The following UBL7 variants were observed in gnomAD, a reference collection of about 807,000 sequenced individuals.
The protein encoded by UBL7 is ubiquitin-like protein 7.
A neutral mutation model predicts 41.7 loss-of-function variants in UBL7; 21 were observed. The observed-to-expected ratio is 0.50, with a 90% CI of 0.36 to 0.73. UBL7 has a LOEUF of 0.73. Among genes scored for constraint, UBL7 ranks in the 30% least tolerant of loss-of-function variants. UBL7 has a pLI of 0.00. For missense variants in UBL7, 403 were observed against 478.4 expected, an observed-to-expected ratio of 0.84 and a Z score of 1.47; for synonymous variants, 157 against 186.9, an observed-to-expected ratio of 0.84 and a Z score of 1.31.
At chr15:74,451,628 C>T (rs1439611583) in intron 4 of UBL7, 108 bp from the exon 5 acceptor site, 1 of 756,636 alleles carries the variant, frequency 1.3e-6, no homozygotes, top group East Asian at 2.6e-5. Context: ...GCATGTACAT[C>T]ACCACAATGG....
At chr15:74,450,722 A>G (rs2061236241) in intron 6 of UBL7, 80 bp downstream of exon 6, 1 of 1,489,410 alleles carries the variant, frequency 6.7e-7, no homozygotes, top group Non-Finnish European at 9.3e-7. Flanking sequence ...CTCCCAGAGC[A>G]GACTGCAGGG....
chr15:74,455,010 T>G (rs1007738776), intron 3 of UBL7, among the ~76,000 whole-genome samples: 3 of 152,200 alleles, frequency 2.0e-5, no homozygotes, highest in Non-Finnish European at 4.4e-5. Flanking sequence ...TAATCCATAG[T>G]GGTCTCAGAG....
Position 74,446,300 on chromosome 15 carries a change from C to T in UBL7, c.1006-73G>A, listed in dbSNP as rs1029760277. 2.3e-5 allele frequency: 37 copies of T among 1,574,878 alleles called. No homozygotes were observed. The African/African-American group carries it at 2.7e-4, about 11-fold the overall frequency. On this transcript the variant is annotated intron_variant, in intron 10 of 10. Coordinates refer to ENST00000395081, the MANE Select transcript of UBL7 (RefSeq NM_032907.5). This position sits in a 1 kb window ranked among gnomAD's most constrained non-coding sequence, Gnocchi z 4.1. ...AAGACTCACTTAGGTCTGTGCTTTC[C>T]GGGGAAGGAAAGGAAGATGGGGGAG...
chr15:74,450,231 G>C (rs1485061223), intron 6 of UBL7, among the ~76,000 whole-genome samples, 162 bp from the exon 7 acceptor site: 2 of 152,172 alleles, frequency 1.3e-5, no homozygotes, highest in Non-Finnish European at 2.9e-5. Flanking sequence ...TCCTCCTGCT[G>C]ATCTGCCCCC....
At chr15:74,459,475 ATT>A (rs372314262) in intron 1 of UBL7, among the ~76,000 whole-genome samples, 5 of 141,034 alleles carry the variant, frequency 3.5e-5, no homozygotes, top group East Asian at 2.1e-4. Flanking sequence ...CGCCAGGCTA[ATT>A]TTTTTTTTTT....
At chr15:74,449,724 C>G in intron 7 of UBL7, 49 bp from the exon 8 acceptor site, 1 of 1,610,256 alleles carries the variant, frequency 6.2e-7, no homozygotes. Flanking sequence ...AAGGCACAGG[C>G]GCAGCTCCAG....
At chr15:74,449,139 T>C (rs1403548184) in intron 9 of UBL7, 47 bp downstream of exon 9, 2 of 1,510,158 alleles carry the variant, frequency 1.3e-6, no homozygotes, top group Non-Finnish European at 1.8e-6. Flanking sequence ...CTGGGGAGCT[T>C]GTTCCTTGGG....
At chr15:74,455,810 C>T (rs931913414) in intron 3 of UBL7, among the ~76,000 whole-genome samples, 3 of 151,982 alleles carry the variant, frequency 2.0e-5, no homozygotes, top group African/African-American at 7.3e-5. Context: ...AACATGGAGA[C>T]ACCCCGTCTC....
chr15:74,452,469 C>G (rs2061259410), intron 3 of UBL7, 91 bp from the exon 4 acceptor site: 2 of 1,319,146 alleles, frequency 1.5e-6, no homozygotes, highest in Non-Finnish European at 2.1e-6. Context: ...TGCCAAGGAG[C>G]AGCCTGGTCT....
At chr15:74,457,553 A>G (rs936565492) in intron 2 of UBL7, among the ~76,000 whole-genome samples, 1 of 131,554 alleles carries the variant, frequency 7.6e-6, no homozygotes, top group South Asian at 2.5e-4. Context: ...AAAAAAAAAG[A>G]AATATATATA....
intron 1 of UBL7, among the ~76,000 whole-genome samples, chr15:74,460,410 T>A (rs2061337611): frequency 6.6e-6 from 1 of 152,176 alleles, no homozygotes; most frequent in African/African-American, 2.4e-5. Flanking sequence ...TACACACTCA[T>A]AACAAAGCTC....
At chr15:74,456,695 T>C (rs752804639) in intron 2 of UBL7, 24 bp from the exon 3 acceptor site, 1 of 1,598,690 alleles carries the variant, frequency 6.3e-7, no homozygotes, top group South Asian at 1.1e-5. Context: ...TGTCCACTTA[T>C]ATTTTGCTCC....
At chr15:74,460,692 A>T (rs1296033122) in intron 1 of UBL7, 1 of 1,289,128 alleles carries the variant, frequency 7.8e-7, no homozygotes, top group Non-Finnish European at 1.0e-6. Context: ...ACCCCAGAAA[A>T]TAAATCAGAA....
At chr15:74,450,473 T>G (rs530364761) in intron 6 of UBL7, among the ~76,000 whole-genome samples, 1 of 152,310 alleles carries the variant, frequency 6.6e-6, no homozygotes, top group African/African-American at 2.4e-5. Context: ...ACATGTCCCT[T>G]TTAGCTTTGA....
intron 2 of UBL7, 86 bp downstream of exon 2, chr15:74,458,598 C>T (rs2141328222): frequency 8.3e-7 from 1 of 1,198,248 alleles, no homozygotes; most frequent in Non-Finnish European, 1.2e-6. Context: ...AAATCCCAAG[C>T]CCTTACTTTA....
At chr15:74,452,807 G>A (rs2061262508) in intron 3 of UBL7, among the ~76,000 whole-genome samples, 2 of 152,130 alleles carry the variant, frequency 1.3e-5, no homozygotes, top group South Asian at 4.2e-4. Context: ...CACCTCCCTG[G>A]TTGAAGCAAC....
chr15:74,449,526 A>G (rs2061220768), intron 8 of UBL7, 100 bp downstream of exon 8: 1 of 1,585,132 alleles, frequency 6.3e-7, no homozygotes, highest in South Asian at 1.1e-5. Flanking sequence ...GCGTATGTCC[A>G]TCTCCCAGCC....
intron 4 of UBL7, among the ~76,000 whole-genome samples, chr15:74,452,094 G>A (rs1295503570): frequency 6.6e-6 from 1 of 152,184 alleles, no homozygotes; most frequent in Admixed American, 6.5e-5. Flanking sequence ...ATTATCATTA[G>A]AGGGAATCAA....
rs1596224726 is a variant in UBL7, at chr15:74,461,030, A to C, written c.-30+7T>G. ...GGGGCAGGAACACTATCCGGTGGCGACCTCACCGCTCCAGTGGGACCAGCT... is the reference window on the plus strand; with the variant it reads ...GGGGCAGGAACACTATCCGGTGGCGCCCTCACCGCTCCAGTGGGACCAGCT... On this transcript the variant is annotated splice_region_variant and intron_variant, in intron 1 of 10. Coordinates refer to ENST00000395081, the MANE Select transcript of UBL7 (RefSeq NM_032907.5). The C allele has an allele frequency of 9.5e-7, 1 of 1,056,498 alleles. No individual in the cohort carries two copies. Among genetic ancestry groups the C allele is most frequent in the South Asian group, 2.6e-5 (1 of 37,888 alleles). The allele number at this position is 1,056,498 out of a possible 1,614,324, so 65.4% of individuals were successfully genotyped here. A position where few individuals can be genotyped will look rare whatever the true frequency, so the allele number is the denominator to read the frequency against.
Sources: allele counts gnomAD v4.1 joint callset (sites outside exome capture counted in the v4.1 genomes callset), GRCh38; gene constraint gnomAD v4.1.1; non-coding constraint Gnocchi (gnomAD v3.1); transcripts MANE v1.5; gene names NCBI Gene and HGNC (gene_info 2026-07-23, HGNC 2026-07-21).